Variants in MALT1 observed in about 807,000 individuals in gnomAD.
MALT1 encodes MALT1 paracaspase.
Under a neutral mutation model 85.5 loss-of-function variants are expected in MALT1, and 36 were observed. The ratio of observed to expected loss-of-function variants is 0.42; its 90% CI spans 0.32 to 0.56. MALT1 has a LOEUF of 0.56. Among genes scored for constraint, MALT1 ranks in the 20% least tolerant of loss-of-function variants. MALT1 has a pLI of 0.10. For missense variants in MALT1, 716 were observed against 981.6 expected (o/e 0.73, Z 3.62); for synonymous variants, 359 against 361.3 (o/e 0.99, Z 0.07).
intron 4 of MALT1, 31 bp downstream of exon 4, chr18:58,700,622 T>A (rs1261854681): frequency 1.6e-5 from 25 of 1,555,510 alleles, no homozygotes; most frequent in African/African-American, 2.8e-5. Context: ...AATGTTGGGA[T>A]GGGGATTCCC....
At chr18:58,684,673 C>T (rs1165016164) in intron 2 of MALT1, among the ~76,000 whole-genome samples, 4 of 151,174 alleles carry the variant, frequency 2.6e-5, no homozygotes, top group African/African-American at 7.3e-5. Context: ...TTTGAACTTC[C>T]GACCTCAGGT....
intron 15 of MALT1, 133 bp from the exon 16 acceptor site, chr18:58,745,533 T>C: frequency 1.5e-6 from 1 of 669,490 alleles, no homozygotes; most frequent in Non-Finnish European, 2.5e-6. Flanking sequence ...CTGGATAATT[T>C]TGGGATTACC....
In MALT1 at chr18:58,747,882, G is replaced by GTGAAATAGTACTGCACTTACATAA; in HGVS notation, c.*41_*64dup. The GTGAAATAGTACTGCACTTACATAA allele has an allele frequency of 6.6e-7, 1 of 1,513,818 alleles. No homozygotes were observed. The highest frequency in any genetic ancestry group is 9.1e-7 in the Non-Finnish European group (1 of 1,099,018). 93.8% of individuals were successfully genotyped at this position (1,513,818 alleles called of 1,614,324 possible). A position where few individuals can be genotyped will look rare whatever the true frequency, so the allele number is the denominator to read the frequency against. ...AAAGTTAGCATAATTTTAGATGCCT[G>GTGAAATAGTACTGCACTTACATAA]TGAAATAGTACTGCACTTACATAAA... On this transcript the variant is annotated 3_prime_UTR_variant, in exon 17 of 17. Coordinates refer to ENST00000649217, the MANE Select transcript of MALT1 (RefSeq NM_006785.4).
In MALT1 at chr18:58,753,226, ACT is replaced by A. The variant is rs1297323086; in HGVS notation, c.*5387_*5388del. On this transcript the variant is annotated 3_prime_UTR_variant, in exon 17 of 17. Coordinates refer to ENST00000649217, the MANE Select transcript of MALT1 (RefSeq NM_006785.4). ...TTTTTGTTGTTGTCTTTTGAGTCTC[ACT>A]CTGTCTCCCAGGCTGTAGTGCAGTG... 3 of 148,920 alleles carry A rather than the reference ACT, an allele frequency of 2.0e-5. No homozygotes were observed. The highest frequency in any genetic ancestry group is 4.5e-5 in the Non-Finnish European group (3 of 66,870). 9.2% of individuals were successfully genotyped at this position (148,920 alleles called of 1,614,324 possible). A position where few individuals can be genotyped will look rare whatever the true frequency, so the allele number is the denominator to read the frequency against.
intron 8 of MALT1, among the ~76,000 whole-genome samples, chr18:58,714,939 CAT>C (rs2054879772): frequency 6.6e-6 from 1 of 152,204 alleles, no homozygotes; most frequent in South Asian, 2.1e-4. Flanking sequence ...GTGTCATACT[CAT>C]ATTGCATTAG....
intron 3 of MALT1, among the ~76,000 whole-genome samples, chr18:58,699,421 G>A (rs549069840): frequency 1.3e-5 from 2 of 152,298 alleles, no homozygotes; most frequent in Non-Finnish European, 2.9e-5. Context: ...AAATACTCTT[G>A]CTTTGGTGTA....
At chr18:58,709,913 G>T (rs952479886) in intron 5 of MALT1, 63 bp from the exon 6 acceptor site, 24 of 1,075,732 alleles carry the variant, frequency 2.2e-5, no homozygotes, top group South Asian at 2.7e-5. Flanking sequence ...AACACAAAAT[G>T]ATTTTTTCTC....
At chr18:58,697,695 G>T (rs1023873846) in intron 3 of MALT1, among the ~76,000 whole-genome samples, 2 of 152,232 alleles carry the variant, frequency 1.3e-5, no homozygotes, top group Non-Finnish European at 2.9e-5. Flanking sequence ...AGGTAGAAAT[G>T]TAGGGGATGG....
intron 1 of MALT1, among the ~76,000 whole-genome samples, chr18:58,675,933 A>G (rs575967178): frequency 1.3e-5 from 2 of 152,268 alleles, no homozygotes; most frequent in African/African-American, 4.8e-5. Flanking sequence ...TCTTTCTTTC[A>G]GTTTCTGCAC....
Position 58,733,527 on chromosome 18 carries a change from A to G in MALT1, c.1353A>G (p.Glu451=), listed in dbSNP as rs1334898419. The G allele has an allele frequency of 3.1e-6, 5 of 1,612,046 alleles. No homozygotes were observed. The African/African-American group carries it at 4.0e-5, about 13-fold the overall frequency. The stretch of plus-strand genomic sequence containing the variant: ...AAAATATACTGAAATTGATGCAAGA[A>G]AAAGAAACTGGACTTAATGTGTTCT... ...CVQNILKLMQ[E]KETGLNVFLL... Residue 451 remains glutamate (E), a synonymous_variant, in exon 11 of 17, where the codon GAA becomes GAG. Transcript: ENST00000649217.
At chr18:58,696,314 G>C (rs2054586682) in intron 2 of MALT1, 52 bp from the exon 3 acceptor site, 2 of 1,303,958 alleles carry the variant, frequency 1.5e-6, no homozygotes, top group East Asian at 6.0e-5. Context: ...GTATAAACAA[G>C]GAAAATCCCT....
intron 2 of MALT1, among the ~76,000 whole-genome samples, chr18:58,689,258 TA>T (rs11421834): frequency 1.5e-3 from 221 of 143,832 alleles, no homozygotes; most frequent in Admixed American, 2.1e-3. Context: ...TTTTACAATG[TA>T]AAAAAAAAAA....
chr18:58,710,768 T>C (rs577461076), intron 6 of MALT1, among the ~76,000 whole-genome samples, 153 bp from the exon 7 acceptor site: 1 of 152,386 alleles, frequency 6.6e-6, no homozygotes, highest in African/African-American at 2.4e-5. Context: ...CAGCTTAATA[T>C]ATTTATAGTT....
At chr18:58,710,382 T>C (rs1397244340) in intron 6 of MALT1, among the ~76,000 whole-genome samples, 1 of 152,200 alleles carries the variant, frequency 6.6e-6, no homozygotes, top group African/African-American at 2.4e-5. Context: ...AAAAACTTGA[T>C]TCAGTGGGAA....
chr18:58,720,346 T>G (rs1395053212), intron 9 of MALT1, among the ~76,000 whole-genome samples: 1 of 152,214 alleles, frequency 6.6e-6, no homozygotes. Context: ...TTCCTCTCCC[T>G]TTCTACTACT....
chr18:58,679,264 T>A (rs2054285354), intron 1 of MALT1, among the ~76,000 whole-genome samples: 1 of 152,270 alleles, frequency 6.6e-6, no homozygotes, highest in Admixed American at 6.5e-5. Flanking sequence ...CTGGTATTTT[T>A]AAAAGAATAG....
chr18:58,750,825 A>G lies in MALT1; in HGVS notation c.*2983A>G, dbSNP rs1310187895. On this transcript the variant is annotated 3_prime_UTR_variant, in exon 17 of 17. Transcript: ENST00000649217. Reference sequence around the variant, plus strand: ...ATGTTGGGCTTAGGAATGGTTTCTTAGACATAATACCAAAAGCACAAGCAA... The same window carrying G: ...ATGTTGGGCTTAGGAATGGTTTCTTGGACATAATACCAAAAGCACAAGCAA... 2.0e-5 allele frequency: 3 copies of G among 152,204 alleles called. No homozygotes were observed. The highest frequency in any genetic ancestry group is 4.4e-5 in the Non-Finnish European group (3 of 68,020). 9.4% of individuals were successfully genotyped at this position (152,204 alleles called of 1,614,324 possible).
chr18:58,741,316 G>T (rs148215311), intron 13 of MALT1: 1 of 151,866 alleles, frequency 6.6e-6, no homozygotes, highest in African/African-American at 2.4e-5. Flanking sequence ...TAAAAAAATT[G>T]TATTTATATC....
At chr18:58,674,221 T>C (rs1231502946) in intron 1 of MALT1, 3 of 152,218 alleles carry the variant, frequency 2.0e-5, no homozygotes, top group African/African-American at 7.2e-5. Flanking sequence ...ATGTTGGGTG[T>C]TGTGTTTTCC....
Sources: allele counts gnomAD v4.1 joint callset (sites outside exome capture counted in the v4.1 genomes callset), GRCh38; gene constraint gnomAD v4.1.1; transcripts MANE v1.5; gene names NCBI Gene and HGNC (gene_info 2026-07-23, HGNC 2026-07-21).